Variants in PHIP observed in about 807,000 individuals in gnomAD.
The protein encoded by PHIP is PH-interacting protein.
A neutral mutation model predicts 236.8 loss-of-function variants in PHIP; 54 were observed. The ratio of observed to expected loss-of-function variants is 0.23; its 90% CI spans 0.18 to 0.29. The LOEUF (loss-of-function observed/expected upper bound fraction) is 0.29, where lower values mean the gene tolerates loss of function less well. PHIP is among the 10% of genes least tolerant of loss of function. The pLI, the probability that PHIP is intolerant of heterozygous loss-of-function variation, is 1.00. For synonymous variants in PHIP, 756 were observed against 718.9 expected (o/e 1.05, Z -0.83); for missense variants, 1,370 against 2,190.8 (o/e 0.63, Z 7.48).
intron 35 of PHIP, among the ~76,000 whole-genome samples, chr6:78,952,348 G>A (rs1476112911): frequency 6.6e-6 from 1 of 150,608 alleles, no homozygotes; most frequent in Non-Finnish European, 1.5e-5. Flanking sequence ...GAATCCAGGA[G>A]GCAGAGTTTG....
At position 78,950,588 on chromosome 6, in the gene PHIP, T is replaced by C. The variant is rs370791819; in HGVS notation, c.4054-2813A>G. Reference sequence around the variant, plus strand: ...GTAGTTTATACTTTGAATATCGGTCTATTTCATGTAAGTTATCAAATTTAT... The same window carrying C: ...GTAGTTTATACTTTGAATATCGGTCCATTTCATGTAAGTTATCAAATTTAT... On this transcript the variant is annotated intron_variant, in intron 35 of 39. Coordinates refer to ENST00000275034, the MANE Select transcript of PHIP (RefSeq NM_017934.7). Among the ~76,000 whole-genome samples the C allele has an allele frequency of 7.2e-5, 11 of 152,312 alleles. No homozygotes were observed. The South Asian group carries it at 2.3e-3, about 32-fold the overall frequency.
intron 6 of PHIP, among the ~76,000 whole-genome samples, chr6:79,056,293 T>C (rs1773068022): frequency 6.6e-6 from 1 of 151,978 alleles, no homozygotes; most frequent in Non-Finnish European, 1.5e-5. Flanking sequence ...CAGGGAGAAA[T>C]AAAACATGTG....
rs1244855594 is a variant in PHIP at position 79,001,949 on chromosome 6, T to C, written c.1829A>G (p.Glu610Gly). ...GATGAGTTGCTCCTCCCTGCAATTT[T>C]CACGGCCAGGAACTAATCTTTGATA... is the stretch of plus-strand genomic sequence containing the variant. ...SRYQRLVPGR[E>G]NCREEQLIPQ... Residue 610 changes from glutamate to glycine, a missense_variant, in exon 17 of 40, where the codon GAA (glutamate) becomes GGA (glycine). This residue lies in a region of PHIP where 133 missense variants were observed against 245.2 expected (regional missense o/e 0.54). Transcript: ENST00000275034. The C allele has an allele frequency of 6.2e-7, 1 of 1,613,080 alleles. No individual in the cohort carries two copies. The highest frequency in any genetic ancestry group is 1.3e-5 in the African/African-American group (1 of 74,840).
rs141711727 is a variant in PHIP, at chr6:78,946,869, G to A, written c.4212C>T (p.Tyr1404=). The A allele has an allele frequency of 2.6e-6, 4 of 1,549,926 alleles. No individual in the cohort carries two copies. Among genetic ancestry groups the A allele is most frequent in the African/African-American group, 2.8e-5 (2 of 70,342 alleles). Residue 1404 remains tyrosine, a synonymous_variant, in exon 37 of 40, where the codon TAC becomes TAT. Transcript: ENST00000275034. ...AYTPSKRSRI[Y]SMSLRLSAFF... ...AAGCAGACAGGCGCAAACTCATGCT[G>A]TAAATCTGTGAGGGAAAAAAAAAAG... is the stretch of plus-strand genomic sequence containing the variant.
At position 78,935,541 on chromosome 6, in the gene PHIP, G is replaced by A; in HGVS notation, c.*5152C>T. The A allele has an allele frequency of 1.0e-6, 1 of 966,916 alleles. No individual in the cohort carries two copies. Among genetic ancestry groups the A allele is most frequent in the Non-Finnish European group, 1.2e-6 (1 of 813,190 alleles). The allele number at this position is 966,916 out of a possible 1,614,324, so 59.9% of individuals were successfully genotyped here. A position where few individuals can be genotyped will look rare whatever the true frequency, so the allele number is the denominator to read the frequency against. ...CTTACGAAAGTATCTGAATAGTGAA[G>A]TATTTATCACTCATCACAGTAACTT... On this transcript the variant is annotated 3_prime_UTR_variant, in exon 40 of 40. Coordinates refer to ENST00000275034, the MANE Select transcript of PHIP (RefSeq NM_017934.7).
At chr6:78,979,690 TA>T (rs1472809078) in intron 23 of PHIP, among the ~76,000 whole-genome samples, 9 of 152,054 alleles carry the variant, frequency 5.9e-5, no homozygotes, top group Admixed American at 5.2e-4. Context: ...TTTTTACAAG[TA>T]AAAAAAGTTA....
intron 15 of PHIP, among the ~76,000 whole-genome samples, chr6:79,009,908 T>TGAAA (rs67624870): frequency 0.49 from 74,273 of 151,174 alleles, 18,781 homozygotes; most frequent in East Asian, 0.69. Context: ...TCTTAAAACC[T>TGAAA]GAAAGTGATA....
chr6:79,019,214 GAAATA>G (rs1269973062), intron 9 of PHIP, 55 bp from the exon 10 acceptor site: 2 of 1,245,842 alleles, frequency 1.6e-6, no homozygotes, highest in Non-Finnish European at 2.3e-6. Context: ...AGTAGCAGCA[GAAATA>G]ATCTGTTTCA....
At chr6:78,946,549 T>C in intron 37 of PHIP, 162 bp downstream of exon 37, 3 of 1,383,898 alleles carry the variant, frequency 2.2e-6, no homozygotes, top group Non-Finnish European at 2.8e-6. Flanking sequence ...CTAGTATAGC[T>C]TTAGTTAAAA....
chr6:79,022,128 T>C (rs186527827), intron 9 of PHIP, among the ~76,000 whole-genome samples: 30 of 152,326 alleles, frequency 2.0e-4, no homozygotes, highest in Admixed American at 1.7e-3. Context: ...AAAAAGGGCC[T>C]TGGGCCGAGT....
chr6:78,983,570 G>C (rs1768679609), intron 22 of PHIP, among the ~76,000 whole-genome samples: 1 of 152,092 alleles, frequency 6.6e-6, no homozygotes, highest in South Asian at 2.1e-4. Flanking sequence ...GGGAGTTCCA[G>C]ACAGGGGAAC....
intron 6 of PHIP, among the ~76,000 whole-genome samples, chr6:79,054,187 G>A (rs998691174): frequency 1.3e-5 from 2 of 150,768 alleles, no homozygotes; most frequent in East Asian, 1.9e-4. Flanking sequence ...AAAAAAAAGG[G>A]AGGAAATAGA....
intron 7 of PHIP, among the ~76,000 whole-genome samples, chr6:79,033,494 T>C (rs550217885): frequency 2.4e-4 from 37 of 152,336 alleles, no homozygotes; most frequent in African/African-American, 8.9e-4. Context: ...GTTGCACTTT[T>C]ATGTTATGGA....
At chr6:79,063,656 A>C (rs1225510318) in intron 4 of PHIP, among the ~76,000 whole-genome samples, 2 of 152,110 alleles carry the variant, frequency 1.3e-5, no homozygotes, top group African/African-American at 4.8e-5. Flanking sequence ...ACCTCAAGTA[A>C]TTCGCCCCCT....
At chr6:78,961,857 A>G in intron 30 of PHIP, 47 bp from the exon 31 acceptor site, 1 of 1,433,946 alleles carries the variant, frequency 7.0e-7, no homozygotes, top group Non-Finnish European at 9.6e-7. Flanking sequence ...TATGCCTAAA[A>G]TAATTCAAGA....
intron 39 of PHIP, 90 bp downstream of exon 39, chr6:78,945,210 C>G: frequency 2.0e-6 from 2 of 981,458 alleles, no homozygotes; most frequent in East Asian, 2.4e-5. Context: ...AGTGGGCAAC[C>G]TGAAAAGTGG....
intron 19 of PHIP, among the ~76,000 whole-genome samples, chr6:78,992,733 C>A (rs531083416): frequency 6.6e-6 from 1 of 152,102 alleles, no homozygotes; most frequent in African/African-American, 2.4e-5. Context: ...ACAAATGTTA[C>A]GTGTGTTCTG....
At chr6:79,066,985 C>T (rs1773653810) in intron 4 of PHIP, among the ~76,000 whole-genome samples, 1 of 152,112 alleles carries the variant, frequency 6.6e-6, no homozygotes, top group Non-Finnish European at 1.5e-5. Flanking sequence ...AATTCCTGGG[C>T]TCAAACGATC....
At chr6:78,974,728 G>C (rs377749063) in intron 24 of PHIP, among the ~76,000 whole-genome samples, 16,123 of 152,052 alleles carry the variant, frequency 0.11, 882 homozygotes, top group Middle Eastern at 0.19. Context: ...ACTACCATCA[G>C]AGAATACTAC....
Sources: allele counts gnomAD v4.1 joint callset (sites outside exome capture counted in the v4.1 genomes callset), GRCh38; gene constraint gnomAD v4.1.1; regional missense constraint gnomAD v4.1.1; transcripts MANE v1.5; gene names NCBI Gene and HGNC (gene_info 2026-07-23, HGNC 2026-07-21).